The following MAGI1 variants were observed in gnomAD, a reference collection of about 807,000 sequenced individuals.
The protein encoded by MAGI1 is membrane-associated guanylate kinase, WW and PDZ domain-containing protein 1.
In MAGI1, 58 loss-of-function variants were observed where a neutral mutation model predicts 139.9. That is an observed-to-expected ratio of 0.41 (90% CI 0.34 to 0.52). The LOEUF is 0.52. Ranked by LOEUF, MAGI1 falls within the 20% of genes least tolerant of loss-of-function variation. The probability of loss-of-function intolerance (pLI) is 0.12; values close to 1 mark genes in which losing one functional copy is unlikely to be tolerated. For synonymous variants in MAGI1, 812 were observed against 737.9 expected, an observed-to-expected ratio of 1.10 and a Z score of -1.63; for missense variants, 1,874 against 1,901.6, an observed-to-expected ratio of 0.99 and a Z score of 0.27.
intron 1 of MAGI1, among the ~76,000 whole-genome samples, chr3:65,989,332 T>C (rs2066042465): frequency 6.6e-6 from 1 of 152,194 alleles, no homozygotes; most frequent in Non-Finnish European, 1.5e-5. Context: ...CAATGAACTT[T>C]TTAGAAGTTC....
chr3:65,408,317 G>A (rs1311368170), intron 12 of MAGI1, among the ~76,000 whole-genome samples: 1 of 152,172 alleles, frequency 6.6e-6, no homozygotes, highest in Non-Finnish European at 1.5e-5. Flanking sequence ...TTCTTGGAAA[G>A]ATTTAAAAGA....
intron 22 of MAGI1, among the ~76,000 whole-genome samples, chr3:65,358,255 C>T (rs115348599): frequency 0.021 from 3,258 of 152,192 alleles, 118 homozygotes; most frequent in African/African-American, 0.074. Context: ...TTTGTTGCAA[C>T]TAAACCCAAC....
At chr3:65,617,430 T>C (rs2083436263) in intron 2 of MAGI1, among the ~76,000 whole-genome samples, 1 of 152,166 alleles carries the variant, frequency 6.6e-6, no homozygotes, top group African/African-American at 2.4e-5. Context: ...AATGCATTTA[T>C]CTTCATGGGA....
intron 1 of MAGI1, among the ~76,000 whole-genome samples, chr3:65,809,903 AC>A (rs539286150): frequency 4.4e-4 from 67 of 151,060 alleles, no homozygotes; most frequent in African/African-American, 1.6e-3. Context: ...CCTGCTATAC[AC>A]CCCCATTCTG....
intron 6 of MAGI1, chr3:65,452,985 C>A: frequency 2.9e-6 from 1 of 343,314 alleles, no homozygotes; most frequent in East Asian, 4.7e-5. Flanking sequence ...TTCCTGAAGA[C>A]AGAGGACGTA....
intron 2 of MAGI1, among the ~76,000 whole-genome samples, chr3:65,505,471 T>C (rs1392675765): frequency 3.3e-5 from 5 of 151,348 alleles, no homozygotes; most frequent in South Asian, 2.1e-4. Context: ...TAGTGAAACC[T>C]TGTCTCTAAA....
intron 1 of MAGI1, among the ~76,000 whole-genome samples, chr3:65,996,304 A>C (rs557605997): frequency 6.6e-6 from 1 of 152,248 alleles, no homozygotes; most frequent in African/African-American, 2.4e-5. Flanking sequence ...AGCTCTCAAT[A>C]ATTGCCAGCT....
intron 1 of MAGI1, among the ~76,000 whole-genome samples, chr3:65,763,663 G>T (rs12639382): frequency 6.6e-6 from 1 of 151,494 alleles, no homozygotes; most frequent in African/African-American, 2.4e-5. Flanking sequence ...ATATCTGTGC[G>T]CATAAGCATT....
At chr3:65,908,353 G>A (rs959944112) in intron 1 of MAGI1, among the ~76,000 whole-genome samples, 1 of 151,550 alleles carries the variant, frequency 6.6e-6, no homozygotes, top group African/African-American at 2.4e-5. Context: ...ACCCAGGCTG[G>A]AGCACAGTGG....
At chr3:65,766,572 T>C (rs55948918) in intron 1 of MAGI1, among the ~76,000 whole-genome samples, 15,218 of 152,150 alleles carry the variant, frequency 0.1, 1,003 homozygotes, top group Non-Finnish European at 0.15. Flanking sequence ...CCGCAAGAAT[T>C]ATCTTAATCA....
At chr3:65,996,878 T>C (rs982341292) in intron 1 of MAGI1, among the ~76,000 whole-genome samples, 5 of 152,226 alleles carry the variant, frequency 3.3e-5, no homozygotes, top group Non-Finnish European at 7.3e-5. Flanking sequence ...ATCAAATGAC[T>C]AGCATACTTG....
rs143554016 is a variant in MAGI1 at position 65,660,189 on chromosome 3, T to C, written c.314-38101A>G. ...TTTACCATAGTGAGGTAAAAGTTCATTGACTTGTTGATTCATTCATTCCAC... is the reference window on the plus strand; with the variant it reads ...TTTACCATAGTGAGGTAAAAGTTCACTGACTTGTTGATTCATTCATTCCAC... On this transcript the variant is annotated intron_variant, in intron 1 of 22. Coordinates refer to ENST00000402939, the MANE Select transcript of MAGI1 (RefSeq NM_001033057.2). Among the ~76,000 whole-genome samples the C allele has an allele frequency of 1.7e-3, 259 of 152,344 alleles. 3 individuals are homozygous for C. The highest frequency in any genetic ancestry group is 2.2e-3 in the Non-Finnish European group (152 of 68,024).
intron 1 of MAGI1, among the ~76,000 whole-genome samples, chr3:66,037,485 C>T (rs2068995270): frequency 6.6e-6 from 1 of 152,120 alleles, no homozygotes; most frequent in Admixed American, 6.5e-5. Flanking sequence ...CAGGAACCGC[C>T]AGGCAGTGGT....
intron 1 of MAGI1, among the ~76,000 whole-genome samples, chr3:65,733,741 A>G (rs1400195219): frequency 6.6e-6 from 1 of 152,240 alleles, no homozygotes. Context: ...ATATTAAGGC[A>G]TAAATAAATC....
rs770405336 is a variant in MAGI1, at chr3:65,470,424, C to A, written c.818G>T (p.Ser273Ile). ...CGTGATGGGAGCAGCGATGATGCTA[C>A]TATTCACAGGTGGTAATGCTGTTTC... ...LQETALPPVNSSIIAAPITDP... is the reference protein window; with the variant it reads ...LQETALPPVNISIIAAPITDP... Residue 273 changes from serine (S) to isoleucine (I), a missense_variant, in exon 5 of 23, where the codon AGT (serine) becomes ATT (isoleucine). By Grantham distance (142) the Ser-to-Ile change is moderately radical. Transcript: ENST00000402939. 6.2e-7 allele frequency: 1 copy of A among 1,613,534 alleles called. No individual in the cohort carries two copies.
chr3:65,452,080 G>A (rs1949064715), intron 6 of MAGI1, among the ~76,000 whole-genome samples: 1 of 152,080 alleles, frequency 6.6e-6, no homozygotes, highest in South Asian at 2.1e-4. Context: ...AGAGCTGAAT[G>A]AACCTGTTCT....
intron 1 of MAGI1, among the ~76,000 whole-genome samples, chr3:65,644,836 T>C (rs1218089066): frequency 6.6e-6 from 1 of 151,734 alleles, no homozygotes; most frequent in Non-Finnish European, 1.5e-5. Context: ...ATCTCTACCA[T>C]AAATACAAAA....
intron 2 of MAGI1, among the ~76,000 whole-genome samples, chr3:65,555,512 C>G (rs1355676695): frequency 6.6e-6 from 1 of 152,082 alleles, no homozygotes; most frequent in Non-Finnish European, 1.5e-5. Flanking sequence ...GCCTAGAACA[C>G]TGCTTGAACA....
chr3:65,615,776 T>C (rs1043489927), intron 2 of MAGI1, among the ~76,000 whole-genome samples: 1 of 152,212 alleles, frequency 6.6e-6, no homozygotes, highest in African/African-American at 2.4e-5. Flanking sequence ...AATCCCATGA[T>C]TTTTTAATTT....
Sources: gnomAD v4.1 joint callset for allele counts (sites outside exome capture counted in the v4.1 genomes callset) on GRCh38, gnomAD v4.1.1 for gene constraint, MANE v1.5 for transcripts, NCBI Gene and HGNC (gene_info 2026-07-23, HGNC 2026-07-21) for gene names.